CPXM2: variants seen among roughly 807,000 people sequenced by gnomAD.
The protein encoded by CPXM2 is carboxypeptidase X, M14 family member 2.
A neutral mutation model predicts 86.1 loss-of-function variants in CPXM2; 66 were observed. The observed-to-expected ratio is 0.77, with a 90% CI of 0.63 to 0.94. The LOEUF (loss-of-function observed/expected upper bound fraction) is 0.94, where lower values mean the gene tolerates loss of function less well. Ranked by LOEUF, CPXM2 falls within the 40% of genes least tolerant of loss-of-function variation. The pLI is 0.00. For synonymous variants in CPXM2, 388 were observed against 400.2 expected, an observed-to-expected ratio of 0.97 and a Z score of 0.36; for missense variants, 948 against 1,026.3, an observed-to-expected ratio of 0.92 and a Z score of 1.04.
At chr10:123,780,757 CT>C (rs1291862682) in intron 6 of CPXM2, among the ~76,000 whole-genome samples, 4 of 152,034 alleles carry the variant, frequency 2.6e-5, no homozygotes, top group African/African-American at 9.7e-5. Flanking sequence ...TCCTTCCTTC[CT>C]TCCTAAAAAA....
chr10:123,834,001 G>A (rs534064746), intron 4 of CPXM2, among the ~76,000 whole-genome samples: 2 of 152,258 alleles, frequency 1.3e-5, no homozygotes, highest in South Asian at 4.1e-4. Context: ...AACCCTATGT[G>A]GTAGCTGCTA....
intron 2 of CPXM2, among the ~76,000 whole-genome samples, chr10:123,930,942 G>A (rs1263518052): frequency 6.6e-6 from 1 of 152,222 alleles, no homozygotes; most frequent in Non-Finnish European, 1.5e-5. Flanking sequence ...CTGAGGGCAG[G>A]CCGGGGAAAC....
intron 7 of CPXM2, 87 bp downstream of exon 7, chr10:123,780,080 G>GA (rs1184842236): frequency 8.2e-4 from 677 of 823,406 alleles, no homozygotes; most frequent in Non-Finnish European, 1.0e-3. Context: ...TCAATTTCTG[G>GA]AAAAAAAAAT....
chr10:123,772,255 GGTTGTGGTTCTC>G (rs1846654994), intron 7 of CPXM2, among the ~76,000 whole-genome samples: 3 of 151,000 alleles, frequency 2.0e-5, no homozygotes, highest in Admixed American at 6.6e-5. Context: ...TCGCTACCCT[GGTTGTGGTTCTC>G]ACCTTCACTG....
At chr10:123,847,100 T>C (rs1305295852) in intron 3 of CPXM2, among the ~76,000 whole-genome samples, 2 of 152,238 alleles carry the variant, frequency 1.3e-5, no homozygotes, top group African/African-American at 4.8e-5. Context: ...GCTACAATTT[T>C]ATTGGAAAGA....
At chr10:123,902,243 A>G (rs1590113532) in intron 2 of CPXM2, among the ~76,000 whole-genome samples, 1 of 152,202 alleles carries the variant, frequency 6.6e-6, no homozygotes, top group South Asian at 2.1e-4. Context: ...CAGGTTACCC[A>G]GGGGAGTAAT....
At chr10:123,758,301 C>T (rs1389803696) in intron 11 of CPXM2, among the ~76,000 whole-genome samples, 3 of 152,134 alleles carry the variant, frequency 2.0e-5, no homozygotes, top group African/African-American at 7.2e-5. Flanking sequence ...GTGGTCCCTC[C>T]AAAACCTCTA....
intron 6 of CPXM2, among the ~76,000 whole-genome samples, chr10:123,788,558 C>T (rs1362126548): frequency 6.6e-6 from 1 of 152,166 alleles, no homozygotes; most frequent in Non-Finnish European, 1.5e-5. Context: ...CTTGTTCCCG[C>T]CCTTGCCTTT....
At chr10:123,927,094 T>G (rs35583363) in intron 2 of CPXM2, among the ~76,000 whole-genome samples, 2,600 of 152,248 alleles carry the variant, frequency 0.017, 39 homozygotes, top group Middle Eastern at 0.037. Flanking sequence ...GTCTCACCAC[T>G]ACCCACTCTC....
chr10:123,860,386 G>T (rs28534804), intron 3 of CPXM2, among the ~76,000 whole-genome samples: 18,959 of 152,070 alleles, frequency 0.12, 1,337 homozygotes, highest in Middle Eastern at 0.18. Flanking sequence ...CAAGGCCAAG[G>T]TCTGCACTCA....
intron 4 of CPXM2, among the ~76,000 whole-genome samples, chr10:123,801,135 C>T (rs1564776117): frequency 6.6e-6 from 1 of 152,160 alleles, no homozygotes. Flanking sequence ...AATTGTAGCT[C>T]CCATAATCCC....
chr10:123,844,294 A>G (rs1848451572), intron 3 of CPXM2, among the ~76,000 whole-genome samples: 1 of 152,142 alleles, frequency 6.6e-6, no homozygotes, highest in African/African-American at 2.4e-5. Flanking sequence ...GAGAAATTTC[A>G]ACTAAAAGTT....
Position 123,751,930 on chromosome 10 carries a change from G to A in CPXM2, c.2017+2733C>T, listed in dbSNP as rs568011819. 21 of 985,300 alleles carry A rather than the reference G, an allele frequency of 2.1e-5. No homozygotes were observed. In the Middle Eastern group the frequency reaches 2.1e-3, roughly 98 times the overall value. 61.0% of individuals were successfully genotyped at this position (985,300 alleles called of 1,614,324 possible). On this transcript the variant is annotated intron_variant, in intron 13 of 13. Transcript: ENST00000241305. ...TCAAAACTGTCTCATTGATTGCAGG[G>A]GCTTGAAACTCAGCACCCATTAGGC...
At chr10:123,782,670 C>T (rs1177032979) in intron 6 of CPXM2, among the ~76,000 whole-genome samples, 14 of 152,158 alleles carry the variant, frequency 9.2e-5, no homozygotes, top group Admixed American at 9.2e-4. Context: ...CAGACAGAGC[C>T]GGTTAGTCAT....
chr10:123,803,566 T>C (rs1338663445), intron 4 of CPXM2, among the ~76,000 whole-genome samples: 2 of 152,240 alleles, frequency 1.3e-5, no homozygotes, highest in African/African-American at 4.8e-5. Context: ...AAAACGTTAT[T>C]GCTTTACCTT....
At chr10:123,773,352 G>A (rs1352880789) in intron 7 of CPXM2, among the ~76,000 whole-genome samples, 5 of 151,848 alleles carry the variant, frequency 3.3e-5, no homozygotes, top group African/African-American at 1.2e-4. Context: ...CCCTCATTGT[G>A]GTCATCATTC....
chr10:123,837,244 A>G (rs2134144605), intron 4 of CPXM2, among the ~76,000 whole-genome samples: 1 of 152,366 alleles, frequency 6.6e-6, no homozygotes, highest in East Asian at 1.9e-4. Flanking sequence ...TCTCAGGCAC[A>G]GAGCCTGGCT....
At chr10:123,854,971 T>G (rs542563638) in intron 3 of CPXM2, among the ~76,000 whole-genome samples, 28 of 152,192 alleles carry the variant, frequency 1.8e-4, no homozygotes, top group African/African-American at 6.3e-4. Context: ...TTGGTGGTTT[T>G]GGACCCTTTT....
upstream of CPXM2, among the ~76,000 whole-genome samples, chr10:123,940,658 G>A (rs933544307): frequency 3.9e-5 from 6 of 152,124 alleles, no homozygotes; most frequent in South Asian, 6.2e-4. Context: ...TTTCTCTTTC[G>A]ACTTCCAGCA....
Sources: gnomAD v4.1 joint callset for allele counts (sites outside exome capture counted in the v4.1 genomes callset) on GRCh38, gnomAD v4.1.1 for gene constraint, MANE v1.5 for transcripts, NCBI Gene and HGNC (gene_info 2026-07-23, HGNC 2026-07-21) for gene names.